IL16: variants seen among roughly 807,000 people sequenced by gnomAD.
IL16 encodes the protein interleukin 16, also known as pro-interleukin-16.
IL16 carries 67 observed loss-of-function variants against 110.1 expected under a neutral mutation model. That is an observed-to-expected ratio of 0.61 (90% CI 0.50 to 0.75). IL16 has a LOEUF of 0.75. IL16 is among the 30% of genes least tolerant of loss of function. The pLI is 0.00. For synonymous variants in IL16, 689 were observed against 662.9 expected (o/e 1.04, Z -0.61); for missense variants, 1,545 against 1,655.0 (o/e 0.93, Z 1.15).
At position 81,225,728 on chromosome 15, in the gene IL16, C is replaced by A; in HGVS notation, c.312+17C>A. 2 of 1,569,124 alleles carry A rather than the reference C, an allele frequency of 1.3e-6. No individual in the cohort carries two copies. The highest frequency in any genetic ancestry group is 1.7e-6 in the Non-Finnish European group (2 of 1,152,926). On this transcript the variant is annotated intron_variant, in intron 2 of 18. Transcript: ENST00000683961. ...TTCATGAAGGTATGCCCAGGCTTTG[C>A]AGGCCTGAACTAGCCTGCAGTTGGT...
chr15:81,294,109 A>G (rs1011063446), intron 12 of IL16, among the ~76,000 whole-genome samples: 9 of 152,172 alleles, frequency 5.9e-5, no homozygotes, highest in Admixed American at 5.9e-4. Context: ...AACAATCTAC[A>G]GTGAGGGTTG....
At chr15:81,283,970 T>C (rs550198449) in intron 9 of IL16, among the ~76,000 whole-genome samples, 1 of 145,356 alleles carries the variant, frequency 6.9e-6, no homozygotes, top group East Asian at 2.0e-4. Flanking sequence ...ACCATTGCAC[T>C]TCAGCCTGGG....
At chr15:81,284,353 C>G (rs939505966) in intron 9 of IL16, among the ~76,000 whole-genome samples, 1 of 152,170 alleles carries the variant, frequency 6.6e-6, no homozygotes. Context: ...TGCTGTCTCT[C>G]TGGAGCTTCT....
intron 1 of IL16, among the ~76,000 whole-genome samples, chr15:81,183,870 T>A (rs1195862697): frequency 6.6e-6 from 1 of 152,166 alleles, no homozygotes; most frequent in Non-Finnish European, 1.5e-5. Context: ...AAAACGGTGG[T>A]CATAAATTCT....
chr15:81,235,733 C>T (rs953204778), intron 2 of IL16, among the ~76,000 whole-genome samples: 9 of 152,084 alleles, frequency 5.9e-5, no homozygotes, highest in Admixed American at 2.6e-4. Flanking sequence ...AGACTGGGAA[C>T]GGCACATAAT....
chr15:81,230,405 C>G (rs554073636), intron 2 of IL16, among the ~76,000 whole-genome samples: 1 of 152,328 alleles, frequency 6.6e-6, no homozygotes, highest in East Asian at 1.9e-4. Flanking sequence ...TCTTTCCTCT[C>G]TTCCTTCTCC....
chr15:81,248,719 C>CTTTCTTTTT (rs780952273), intron 2 of IL16, among the ~76,000 whole-genome samples: 1 of 112,242 alleles, frequency 8.9e-6, no homozygotes, highest in African/African-American at 3.5e-5. Context: ...TTCTTTCTTT[C>CTTTCTTTTT]TTTTTTTTTT....
At chr15:81,193,321 C>G (rs1043455880), upstream of IL16, among the ~76,000 whole-genome samples, 43 of 152,118 alleles carry the variant, frequency 2.8e-4, no homozygotes, top group African/African-American at 9.4e-4. Context: ...CACTGAATAA[C>G]AGCCAGGCAA....
chr15:81,299,535 C>T lies in IL16; in HGVS notation c.2209C>T (p.Pro737Ser), dbSNP rs751951435. ...PIMSENHGHM[P>S]LQPNASLNEE... ...CATGAGTGAGAACCATGGCCACATGCCTCTACAGCCCAATGCCAGCCTGAA... is the reference window on the plus strand; with the variant it reads ...CATGAGTGAGAACCATGGCCACATGTCTCTACAGCCCAATGCCAGCCTGAA... Residue 737 changes from proline to serine, a missense_variant, in exon 14 of 19, where the codon CCT (proline) becomes TCT (serine). Transcript: ENST00000683961. 1 of 1,614,188 alleles carries T rather than the reference C, an allele frequency of 6.2e-7. No individual in the cohort carries two copies. The highest frequency in any genetic ancestry group is 1.7e-5 in the Admixed American group (1 of 60,028).
At chr15:81,196,029 G>T (rs11631430), upstream of IL16, among the ~76,000 whole-genome samples, 2 of 152,164 alleles carry the variant, frequency 1.3e-5, no homozygotes, top group Non-Finnish European at 1.5e-5. Flanking sequence ...TCACCTGGAG[G>T]CTTTGTGAAA....
chr15:81,262,253 C>T (rs1429859154), intron 3 of IL16, among the ~76,000 whole-genome samples: 1 of 152,014 alleles, frequency 6.6e-6, no homozygotes, highest in Non-Finnish European at 1.5e-5. Flanking sequence ...ATACTTTCTC[C>T]AGTTCGTTGC....
At chr15:81,237,944 ACCCAGG>A (rs1897226960) in intron 2 of IL16, among the ~76,000 whole-genome samples, 1 of 151,930 alleles carries the variant, frequency 6.6e-6, no homozygotes, top group South Asian at 2.1e-4. Context: ...TTGCTCTGTC[ACCCAGG>A]CTGGAGTGCA....
chr15:81,219,651 G>T (rs973465403), intron 1 of IL16, among the ~76,000 whole-genome samples: 3 of 152,184 alleles, frequency 2.0e-5, no homozygotes, highest in Non-Finnish European at 2.9e-5. Flanking sequence ...TTTCTGAGGA[G>T]CAGCATTGAG....
At position 81,301,464 on chromosome 15, in the gene IL16, A is replaced by T. The variant is rs1900282879; in HGVS notation, c.3270A>T (p.Leu1090Phe). ...SVISLLSSEE[L>F]KKLIEEVKVL... ...TCTCCCTGCTGAGCTCAGAAGAATTAAAAAAACTCATCGAGGAGGTGAAGG... is the reference window on the plus strand; with the variant it reads ...TCTCCCTGCTGAGCTCAGAAGAATTTAAAAAACTCATCGAGGAGGTGAAGG... The change falls in exon 15 of 19, where the codon TTA (leucine) becomes TTT (phenylalanine). Residue 1090 changes from leucine (L) to phenylalanine (F), a missense_variant. By Grantham distance (22) the Leu-to-Phe change is conservative. Transcript: ENST00000683961. 6 of 1,613,872 alleles carry T rather than the reference A, an allele frequency of 3.7e-6. No homozygotes were observed. The highest frequency in any genetic ancestry group is 1.1e-5 in the South Asian group (1 of 91,056).
chr15:81,240,058 G>A (rs747181708), intron 2 of IL16, among the ~76,000 whole-genome samples: 4 of 152,086 alleles, frequency 2.6e-5, no homozygotes, highest in African/African-American at 4.8e-5. Context: ...GGAAGTCTCC[G>A]TTCTTCTTAT....
At chr15:81,270,862 A>G (rs1352779708) in intron 5 of IL16, among the ~76,000 whole-genome samples, 1 of 152,190 alleles carries the variant, frequency 6.6e-6, no homozygotes, top group Non-Finnish European at 1.5e-5. Flanking sequence ...ATCCTCATGT[A>G]CAGAGCAGTG....
At chr15:81,216,270 C>T (rs74871911) in intron 1 of IL16, among the ~76,000 whole-genome samples, 5,192 of 152,286 alleles carry the variant, frequency 0.034, 259 homozygotes, top group East Asian at 0.25. Flanking sequence ...CCAGCTCCCA[C>T]GTCCTTGTGT....
At chr15:81,266,611 G>C (rs1898394458) in intron 4 of IL16, among the ~76,000 whole-genome samples, 1 of 152,158 alleles carries the variant, frequency 6.6e-6, no homozygotes. Flanking sequence ...AGCGCCCTCT[G>C]TCTGTAGCAT....
chr15:81,278,871 A>G lies in IL16; in HGVS notation c.845A>G (p.Asp282Gly), dbSNP rs1198771266. Residue 282 changes from aspartate to glycine, a missense_variant, in exon 7 of 19, where the codon GAT (aspartate) becomes GGT (glycine). Transcript: ENST00000683961. ...GESMAGLTHQ[D>G]ALQKFKQAKK... ...TCAATGGCTGGACTAACACATCAGG[A>G]TGCTTTGCAGAAGTTCAAGGTGACC... 1 of 1,613,084 alleles carries G rather than the reference A, an allele frequency of 6.2e-7. No homozygotes were observed. The highest frequency in any genetic ancestry group is 1.1e-5 in the South Asian group (1 of 91,052).
Sources: gnomAD v4.1 joint callset for allele counts (sites outside exome capture counted in the v4.1 genomes callset) on GRCh38, gnomAD v4.1.1 for gene constraint, MANE v1.5 for transcripts, NCBI Gene and HGNC (gene_info 2026-07-23, HGNC 2026-07-21) for gene names.